LANCL1: variants seen among roughly 807,000 people sequenced by gnomAD.
LANCL1 encodes the protein glutathione S-transferase LANCL1.
In LANCL1, 50 loss-of-function variants were observed where a neutral mutation model predicts 50.6. The observed-to-expected ratio is 0.99, with a 90% CI of 0.79 to 1.25. The LOEUF is 1.25. Among genes scored for constraint, LANCL1 ranks in the 50% most tolerant of loss-of-function variants. The probability of loss-of-function intolerance (pLI) is 0.00; values close to 1 mark genes in which losing one functional copy is unlikely to be tolerated. For synonymous variants in LANCL1, 188 were observed against 178.6 expected (o/e 1.05, Z -0.42); for missense variants, 532 against 480.7 (o/e 1.11, Z -1.00).
In LANCL1 at chr2:210,441,370, C is replaced by T. The variant is rs775576320; in HGVS notation, c.481G>A (p.Ala161Thr). 4 of 1,613,010 alleles carry T rather than the reference C, an allele frequency of 2.5e-6. No homozygotes were observed. The highest frequency in any genetic ancestry group is 2.5e-6 in the Non-Finnish European group (3 of 1,179,264). ...MLYGRIGYIYALLFVNKNFGV... is the reference protein window; with the variant it reads ...MLYGRIGYIYTLLFVNKNFGV... ...AAGTTCTTATTGACAAAAAGAAGAGCATAGATGTAGCCTATTCGCCCATAG... is the reference window on the plus strand; with the variant it reads ...AAGTTCTTATTGACAAAAAGAAGAGTATAGATGTAGCCTATTCGCCCATAG... Residue 161 changes from alanine (A) to threonine (T), a missense_variant, in exon 5 of 10, where the codon GCT (alanine) becomes ACT (threonine). Transcript: ENST00000450366.
intron 4 of LANCL1, among the ~76,000 whole-genome samples, chr2:210,448,029 C>T (rs984910294): frequency 1.3e-5 from 2 of 152,316 alleles, no homozygotes; most frequent in East Asian, 1.9e-4. Context: ...TAAAACTCTC[C>T]ACCCCAAATC....
intron 4 of LANCL1, among the ~76,000 whole-genome samples, chr2:210,447,856 C>A (rs1302192226): frequency 6.6e-6 from 1 of 152,130 alleles, no homozygotes; most frequent in East Asian, 1.9e-4. Flanking sequence ...ATTCATAAAG[C>A]AAGTTCTTAG....
chr2:210,434,805 C>A (rs1021928590), intron 9 of LANCL1, among the ~76,000 whole-genome samples: 22 of 151,888 alleles, frequency 1.4e-4, no homozygotes, highest in Admixed American at 3.9e-4. Context: ...ATGGCTTTTT[C>A]CTCACCTCAC....
Position 210,472,032 on chromosome 2 carries a change from C to T in LANCL1, c.126G>A (p.Glu42=). ...FSQRLTNKIR[E]LLQQMERGLK... ...GGCCTCTCTCCATTTGCTGAAGAAG[C>T]TCCCGAATCTTATTGGTCAAGCGTT... The change falls in exon 3 of 10, where the codon GAG becomes GAA. Residue 42 remains glutamate, a synonymous_variant. Coordinates refer to ENST00000450366, the MANE Select transcript of LANCL1 (RefSeq NM_006055.3). The T allele has an allele frequency of 3.7e-6, 6 of 1,614,146 alleles. No homozygotes were observed. The highest frequency in any genetic ancestry group is 5.1e-6 in the Non-Finnish European group (6 of 1,180,008).
At chr2:210,437,965 G>A (rs747658810) in intron 6 of LANCL1, 93 bp from the exon 7 acceptor site, 3 of 852,808 alleles carry the variant, frequency 3.5e-6, no homozygotes, top group Non-Finnish European at 5.1e-6. Flanking sequence ...CATGGCTAAG[G>A]GGAAATGGAA....
intron 5 of LANCL1, among the ~76,000 whole-genome samples, chr2:210,440,960 C>CATT (rs1559707870): frequency 6.6e-6 from 1 of 152,290 alleles, no homozygotes; most frequent in Non-Finnish European, 1.5e-5. Context: ...GAGCTCTTTG[C>CATT]ATTACAGTTT....
At chr2:210,434,649 C>A in intron 9 of LANCL1, 86 bp from the exon 10 acceptor site, 2 of 1,062,968 alleles carry the variant, frequency 1.9e-6, no homozygotes, top group South Asian at 1.4e-5. Flanking sequence ...TCTTTATTGA[C>A]AAAAAAAGTC....
chr2:210,453,083 T>A (rs1048102919), intron 4 of LANCL1, among the ~76,000 whole-genome samples: 2 of 152,132 alleles, frequency 1.3e-5, no homozygotes, highest in South Asian at 4.1e-4. Flanking sequence ...AAATAAAAAA[T>A]CTGAAAAAAA....
chr2:210,476,864 G>T (rs1694400680), upstream of LANCL1: 6 of 964,386 alleles, frequency 6.2e-6, no homozygotes, highest in Non-Finnish European at 7.4e-6. Context: ...ATTTCTAAAG[G>T]ATAACGCAGG....
intron 3 of LANCL1, chr2:210,460,667 A>G (rs1177130888): frequency 2.0e-5 from 3 of 152,226 alleles, no homozygotes; most frequent in African/African-American, 4.8e-5. Context: ...GTTACTGTGC[A>G]CAGCACTCTC....
chr2:210,470,725 CAGAA>C (rs547233049), intron 3 of LANCL1, among the ~76,000 whole-genome samples: 21 of 152,150 alleles, frequency 1.4e-4, no homozygotes, highest in Non-Finnish European at 2.6e-4. Context: ...AAATTTCTCT[CAGAA>C]AGCTTTCAAA....
chr2:210,475,823 G>A (rs1444713333), intron 2 of LANCL1, among the ~76,000 whole-genome samples: 1 of 152,022 alleles, frequency 6.6e-6, no homozygotes, highest in Non-Finnish European at 1.5e-5. Context: ...ATGCCCTGTG[G>A]AGTGACACCG....
At chr2:210,442,359 TATAA>T (rs990041612) in intron 4 of LANCL1, among the ~76,000 whole-genome samples, 1 of 152,242 alleles carries the variant, frequency 6.6e-6, no homozygotes, top group African/African-American at 2.4e-5. Context: ...TATACATATG[TATAA>T]ATATTCTACA....
chr2:210,476,667 T>TA lies in LANCL1; in HGVS notation c.-65_-64insT. 1.6e-6 allele frequency: 2 copies of TA among 1,227,550 alleles called. No homozygotes were observed. Among genetic ancestry groups the TA allele is most frequent in the Non-Finnish European group, 2.0e-6 (2 of 980,418 alleles). 76.0% of individuals were successfully genotyped at this position (1,227,550 alleles called of 1,614,324 possible). A position where few individuals can be genotyped will look rare whatever the true frequency, so the allele number is the denominator to read the frequency against. On this transcript the variant is annotated 5_prime_UTR_variant, in exon 1 of 10. Transcript: ENST00000450366. ...GCAACCCCGTTCCCACGCCCGCGAC[T>TA]TGAAGCAAGTGCGCCTCCCGCGTCC...
At chr2:210,469,795 G>A (rs1033394333) in intron 3 of LANCL1, among the ~76,000 whole-genome samples, 43 of 152,102 alleles carry the variant, frequency 2.8e-4, no homozygotes, top group African/African-American at 1.0e-3. Flanking sequence ...AGCAATATAA[G>A]GGCCTGACTA....
At chr2:210,449,455 C>T (rs1009113507) in intron 4 of LANCL1, among the ~76,000 whole-genome samples, 7 of 152,144 alleles carry the variant, frequency 4.6e-5, no homozygotes, top group African/African-American at 1.7e-4. Context: ...AACAAGGATG[C>T]CCTCTTTCAC....
intron 5 of LANCL1, 37 bp from the exon 6 acceptor site, chr2:210,440,781 T>A: frequency 6.3e-7 from 1 of 1,588,432 alleles, no homozygotes; most frequent in South Asian, 1.1e-5. Context: ...ACAAGTTAAC[T>A]GAACAAAAAT....
At chr2:210,435,320 C>G in intron 9 of LANCL1, 67 bp downstream of exon 9, 1 of 1,273,044 alleles carries the variant, frequency 7.9e-7, no homozygotes, top group South Asian at 1.2e-5. Context: ...AACTTAAATA[C>G]ATTAATTACC....
Position 210,437,827 on chromosome 2 carries a change from G to C in LANCL1, c.736C>G (p.Pro246Ala). The C allele has an allele frequency of 1.2e-6, 2 of 1,611,480 alleles. No individual in the cohort carries two copies. The highest frequency in any genetic ancestry group is 1.7e-6 in the Non-Finnish European group (2 of 1,179,130). Residue 246 changes from proline (P) to alanine (A), a missense_variant, in exon 7 of 10, where the codon CCC (proline) becomes GCC (alanine). Pro to Ala is a conservative substitution (Grantham distance 27, BLOSUM62 -1). Coordinates refer to ENST00000450366, the MANE Select transcript of LANCL1 (RefSeq NM_006055.3). ...SQGKLHSLVKPSVDYVCQLKF... is the reference protein window; with the variant it reads ...SQGKLHSLVKASVDYVCQLKF... ...AGCTGGCAGACGTAGTCTACACTGG[G>C]CTTGACCAAACTATGTAACTTCCCT...
Sources: allele counts gnomAD v4.1 joint callset (sites outside exome capture counted in the v4.1 genomes callset), GRCh38; gene constraint gnomAD v4.1.1; transcripts MANE v1.5; gene names NCBI Gene and HGNC (gene_info 2026-07-23, HGNC 2026-07-21).